The following PTPRD variants were observed in gnomAD, a reference collection of about 807,000 sequenced individuals.
PTPRD encodes the protein protein tyrosine phosphatase receptor type D, also known as receptor-type tyrosine-protein phosphatase delta.
Under a neutral mutation model 214.5 loss-of-function variants are expected in PTPRD, and 34 were observed. The observed-to-expected ratio is 0.16, with a 90% CI of 0.12 to 0.21. The LOEUF (loss-of-function observed/expected upper bound fraction) is 0.21. PTPRD is among the 10% of genes least tolerant of loss of function. The pLI is 1.00. For missense variants in PTPRD, 2,545 were observed against 2,398.7 expected (o/e 1.06, Z -1.27); for synonymous variants, 1,128 against 845.7 (o/e 1.33, Z -5.79).
intron 35 of PTPRD, among the ~76,000 whole-genome samples, chr9:8,431,800 G>A (rs1015061182): frequency 2.6e-5 from 4 of 152,138 alleles, no homozygotes; most frequent in African/African-American, 9.7e-5. Context: ...CAATTTTATT[G>A]TGTCTCTGCC....
rs190821747 is a variant in PTPRD, at chr9:9,809,153, G to A, written c.-367-42302C>T. Among the ~76,000 whole-genome samples the A allele has an allele frequency of 2.8e-3, 423 of 151,364 alleles. 2 individuals are homozygous for A. The highest frequency in any genetic ancestry group is 1.0e-2 in the African/African-American group (411 of 41,276). ...GGTCTCATATTTGTGGGTCTCCCAT[G>A]TCAATGTGCATGTTAATAGGTTTGT... is the stretch of plus-strand genomic sequence containing the variant. On this transcript the variant is annotated intron_variant, in intron 5 of 45. Transcript: ENST00000381196.
intron 3 of PTPRD, among the ~76,000 whole-genome samples, chr9:10,327,767 T>C (rs956313212): frequency 6.6e-6 from 1 of 151,678 alleles, no homozygotes; most frequent in African/African-American, 2.4e-5. Flanking sequence ...CATTTTCCAG[T>C]CATTTACATC....
chr9:9,467,213 C>CGTTTTTTTTTTT (rs1295163512), intron 8 of PTPRD, among the ~76,000 whole-genome samples: 2 of 92,900 alleles, frequency 2.2e-5, no homozygotes, highest in Non-Finnish European at 4.1e-5. Flanking sequence ...GTTCATTTAT[C>CGTTTTTTTTTTT]TTTTTTTTTT....
chr9:9,849,821 C>T (rs1008105723), intron 5 of PTPRD, among the ~76,000 whole-genome samples: 7 of 152,046 alleles, frequency 4.6e-5, no homozygotes, highest in Non-Finnish European at 1.0e-4. Flanking sequence ...TCTTCAAATG[C>T]TTTTCCTGAA....
intron 5 of PTPRD, among the ~76,000 whole-genome samples, chr9:9,922,393 A>G (rs961520659): frequency 3.3e-5 from 5 of 152,064 alleles, no homozygotes; most frequent in Non-Finnish European, 5.9e-5. Context: ...AGGGACCTGT[A>G]ACCTTCTTTC....
At chr9:8,961,486 C>A (rs935054280) in intron 11 of PTPRD, among the ~76,000 whole-genome samples, 2 of 152,086 alleles carry the variant, frequency 1.3e-5, no homozygotes, top group African/African-American at 4.8e-5. Flanking sequence ...TAGCCTTGCA[C>A]CCGCAAATAT....
intron 5 of PTPRD, among the ~76,000 whole-genome samples, chr9:9,885,777 TC>T (rs1261207609): frequency 5.3e-5 from 8 of 152,102 alleles, no homozygotes; most frequent in African/African-American, 1.7e-4. Flanking sequence ...TTTTTAGACT[TC>T]TGATCTCCAG....
At chr9:10,528,175 TTTC>T in intron 2 of PTPRD, among the ~76,000 whole-genome samples, 1 of 152,126 alleles carries the variant, frequency 6.6e-6, no homozygotes, top group Non-Finnish European at 1.5e-5. Context: ...GAAATGTTTC[TTTC>T]TTACTGTTCT....
chr9:10,207,418 T>C (rs1223864060), intron 3 of PTPRD, among the ~76,000 whole-genome samples: 2 of 152,086 alleles, frequency 1.3e-5, no homozygotes, highest in Non-Finnish European at 2.9e-5. Context: ...TATTAATTGG[T>C]ATTAGGGTTA....
chr9:9,903,293 G>A (rs1324157276), intron 5 of PTPRD, among the ~76,000 whole-genome samples: 5 of 151,898 alleles, frequency 3.3e-5, no homozygotes, highest in African/African-American at 2.4e-5. Context: ...TGAAGAACTC[G>A]AGTAGTATTT....
intron 21 of PTPRD, 28 bp downstream of exon 21, chr9:8,517,820 C>T (rs767581831): frequency 9.5e-6 from 15 of 1,582,774 alleles, no homozygotes; most frequent in Admixed American, 6.8e-5. Context: ...TTCCCTCCTG[C>T]CCTATTTCCC....
chr9:10,077,606 T>C (rs767579968), intron 3 of PTPRD, among the ~76,000 whole-genome samples: 10 of 152,154 alleles, frequency 6.6e-5, no homozygotes, highest in South Asian at 2.1e-4. Flanking sequence ...GTAATAAGCA[T>C]AGTATCCAAT....
chr9:9,821,670 T>C (rs192968836), intron 5 of PTPRD, among the ~76,000 whole-genome samples: 75 of 152,162 alleles, frequency 4.9e-4, no homozygotes, highest in African/African-American at 1.6e-3. Context: ...AGCATTTGTA[T>C]CTATTATTAA....
chr9:9,214,910 A>G (rs980474352), intron 9 of PTPRD, among the ~76,000 whole-genome samples: 1 of 152,204 alleles, frequency 6.6e-6, no homozygotes, highest in African/African-American at 2.4e-5. Context: ...CGTAATCGAG[A>G]TAACACAGTT....
intron 3 of PTPRD, among the ~76,000 whole-genome samples, chr9:10,092,425 G>T (rs1238126310): frequency 6.6e-6 from 1 of 151,332 alleles, no homozygotes; most frequent in Non-Finnish European, 1.5e-5. Flanking sequence ...CATCACTGAT[G>T]TGATATTTCT....
chr9:8,487,109 T>C (rs750205116), intron 27 of PTPRD, among the ~76,000 whole-genome samples: 6 of 152,200 alleles, frequency 3.9e-5, no homozygotes, highest in Non-Finnish European at 5.9e-5. Flanking sequence ...AAAATGGGAA[T>C]TATATTAAGA....
In PTPRD at chr9:9,899,617, A is replaced by G. The variant is rs114193074; in HGVS notation, c.-368+38890T>C. Among the ~76,000 whole-genome samples the G allele has an allele frequency of 5.9e-3, 899 of 152,132 alleles. 5 individuals are homozygous for G. Among genetic ancestry groups the G allele is most frequent in the African/African-American group, 0.02 (835 of 41,518 alleles). ...CTCTTGGTGTAATTTAAGTTAGTAC[A>G]GCTATTATGGAAAACAGTATGGAGG... On this transcript the variant is annotated intron_variant, in intron 5 of 45. Transcript: ENST00000381196.
At chr9:8,459,318 T>C (rs1361113148) in intron 33 of PTPRD, among the ~76,000 whole-genome samples, 1 of 152,028 alleles carries the variant, frequency 6.6e-6, no homozygotes, top group African/African-American at 2.4e-5. Context: ...AGCTATCTTG[T>C]AGTAGAAGGA....
At chr9:9,746,052 C>T (rs190087228) in intron 6 of PTPRD, among the ~76,000 whole-genome samples, 1 of 151,998 alleles carries the variant, frequency 6.6e-6, no homozygotes, top group Non-Finnish European at 1.5e-5. Flanking sequence ...GTATGAGAAA[C>T]CAAGTTTCCT....
Sources: allele counts gnomAD v4.1 joint callset (sites outside exome capture counted in the v4.1 genomes callset), GRCh38; gene constraint gnomAD v4.1.1; transcripts MANE v1.5; gene names NCBI Gene and HGNC (gene_info 2026-07-23, HGNC 2026-07-21).